Variants in FUT9 observed in about 807,000 individuals in gnomAD.
FUT9 encodes fucosyltransferase 9.
Under a neutral mutation model 29.7 loss-of-function variants are expected in FUT9, and 15 were observed. The observed-to-expected ratio is 0.51, with a 90% CI of 0.34 to 0.78. The LOEUF (loss-of-function observed/expected upper bound fraction) is 0.78, where lower values mean the gene tolerates loss of function less well. Ranked by LOEUF, FUT9 falls within the 30% of genes least tolerant of loss-of-function variation. FUT9 has a pLI of 0.01. For synonymous variants in FUT9, 169 were observed against 153.7 expected (o/e 1.10, Z -0.74); for missense variants, 319 against 425.4 (o/e 0.75, Z 2.20).
chr6:96,188,701 A>G (rs1041403915), intron 2 of FUT9, among the ~76,000 whole-genome samples: 6 of 63,822 alleles, frequency 9.4e-5, no homozygotes, highest in Admixed American at 3.0e-4. Flanking sequence ...TAACAAATAT[A>G]TATTATTTGA....
intron 1 of FUT9, among the ~76,000 whole-genome samples, chr6:96,058,918 T>C (rs1329459227): frequency 1.3e-5 from 2 of 152,200 alleles, no homozygotes; most frequent in Non-Finnish European, 2.9e-5. Flanking sequence ...CTCCCTCTTT[T>C]ATATTGGGAC....
At chr6:96,131,241 AT>A (rs1354625026) in intron 2 of FUT9, among the ~76,000 whole-genome samples, 3 of 152,192 alleles carry the variant, frequency 2.0e-5, no homozygotes, top group Non-Finnish European at 4.4e-5. Context: ...GTGAAAAAAA[AT>A]AGAACATATT....
At chr6:96,083,808 C>T (rs1159754267) in intron 1 of FUT9, among the ~76,000 whole-genome samples, 2 of 151,978 alleles carry the variant, frequency 1.3e-5, no homozygotes, top group Non-Finnish European at 2.9e-5. Flanking sequence ...GTACTGCGTT[C>T]GATATAATAG....
At chr6:96,047,229 T>C (rs944761483) in intron 1 of FUT9, among the ~76,000 whole-genome samples, 1 of 152,174 alleles carries the variant, frequency 6.6e-6, no homozygotes, top group African/African-American at 2.4e-5. Flanking sequence ...TATCCAATTA[T>C]AGTAGAAATG....
chr6:96,164,404 G>T (rs9499351), intron 2 of FUT9, among the ~76,000 whole-genome samples: 2 of 151,804 alleles, frequency 1.3e-5, no homozygotes, highest in African/African-American at 4.8e-5. Flanking sequence ...GACTACAGGC[G>T]CCTGCCACCG....
chr6:96,175,522 T>A (rs1773188219), intron 2 of FUT9, among the ~76,000 whole-genome samples: 1 of 152,226 alleles, frequency 6.6e-6, no homozygotes, highest in Non-Finnish European at 1.5e-5. Flanking sequence ...GGTGGCTAGC[T>A]GTGATACTTA....
At chr6:96,100,615 G>A (rs1227089844) in intron 1 of FUT9, among the ~76,000 whole-genome samples, 2 of 152,174 alleles carry the variant, frequency 1.3e-5, no homozygotes, top group Non-Finnish European at 2.9e-5. Flanking sequence ...TTGGGAAATG[G>A]AGAACAGAGC....
intron 2 of FUT9, among the ~76,000 whole-genome samples, chr6:96,145,405 T>G (rs979964893): frequency 1.1e-4 from 17 of 152,144 alleles, no homozygotes; most frequent in African/African-American, 3.9e-4. Context: ...GAGCAGCTAC[T>G]ATGTAGCAGC....
intron 1 of FUT9, among the ~76,000 whole-genome samples, chr6:96,031,013 G>T (rs1049565045): frequency 1.5e-4 from 22 of 151,468 alleles, no homozygotes; most frequent in African/African-American, 5.3e-4. Context: ...ATACACTGGT[G>T]GTTTGTAGGC....
intron 1 of FUT9, among the ~76,000 whole-genome samples, chr6:96,064,300 G>A (rs4563725): frequency 0.56 from 84,484 of 151,876 alleles, 23,602 homozygotes; most frequent in South Asian, 0.64. Context: ...GACCCAGCCT[G>A]GGTCTCCCTG....
At chr6:96,097,175 G>A (rs1416520500) in intron 1 of FUT9, among the ~76,000 whole-genome samples, 1 of 152,186 alleles carries the variant, frequency 6.6e-6, no homozygotes, top group African/African-American at 2.4e-5. Context: ...TAATAGAATA[G>A]CCAAATGCAT....
At chr6:96,122,532 A>G (rs1200423858) in intron 2 of FUT9, among the ~76,000 whole-genome samples, 1 of 152,172 alleles carries the variant, frequency 6.6e-6, no homozygotes, top group Non-Finnish European at 1.5e-5. Flanking sequence ...ATAATTTTAC[A>G]TGGTATAGTT....
At chr6:96,095,329 C>A (rs118022320) in intron 1 of FUT9, among the ~76,000 whole-genome samples, 2,605 of 152,168 alleles carry the variant, frequency 0.017, 26 homozygotes, top group Middle Eastern at 0.044. Context: ...CATATCAGTT[C>A]TCAGATTCTC....
intron 1 of FUT9, among the ~76,000 whole-genome samples, chr6:96,048,127 C>G (rs1318931372): frequency 1.3e-5 from 2 of 152,162 alleles, no homozygotes; most frequent in Non-Finnish European, 2.9e-5. Flanking sequence ...ATACGTTCCT[C>G]TGACCACAGC....
chr6:96,095,653 G>A (rs956257252), intron 1 of FUT9, among the ~76,000 whole-genome samples: 2 of 151,990 alleles, frequency 1.3e-5, no homozygotes, highest in African/African-American at 4.8e-5. Flanking sequence ...TACTTTGCCG[G>A]TTCTTCTCAT....
intron 1 of FUT9, among the ~76,000 whole-genome samples, chr6:96,025,000 G>A (rs72924136): frequency 0.039 from 5,974 of 151,866 alleles, 181 homozygotes; most frequent in Non-Finnish European, 0.061. Context: ...GCACGAAGGC[G>A]AGATTTAGCT....
At chr6:96,092,648 T>C (rs949782157) in intron 1 of FUT9, among the ~76,000 whole-genome samples, 15 of 152,190 alleles carry the variant, frequency 9.9e-5, no homozygotes, top group Admixed American at 9.8e-4. Flanking sequence ...TGTCATTTCC[T>C]CTTTCTGGAG....
At chr6:96,040,434 G>T (rs1008888672) in intron 1 of FUT9, among the ~76,000 whole-genome samples, 1 of 152,140 alleles carries the variant, frequency 6.6e-6, no homozygotes, top group African/African-American at 2.4e-5. Flanking sequence ...AGCAATCCTC[G>T]ATATTCTTGG....
At chr6:96,124,245 G>A (rs566124092) in intron 2 of FUT9, among the ~76,000 whole-genome samples, 22 of 148,780 alleles carry the variant, frequency 1.5e-4, no homozygotes, top group Non-Finnish European at 3.1e-4. Context: ...TCCGCCTCCC[G>A]GGTTCACACC....
Sources: gnomAD v4.1 joint callset for allele counts (sites outside exome capture counted in the v4.1 genomes callset) on GRCh38, gnomAD v4.1.1 for gene constraint, MANE v1.5 for transcripts, NCBI Gene and HGNC (gene_info 2026-07-23, HGNC 2026-07-21) for gene names.